FBXL12: variants seen among roughly 807,000 people sequenced by gnomAD.
FBXL12 encodes F-box/LRR-repeat protein 12.
A neutral mutation model predicts 24.9 loss-of-function variants in FBXL12; 22 were observed. That is an observed-to-expected ratio of 0.88 (90% CI 0.63 to 1.26). The LOEUF is 1.26. Among genes scored for constraint, FBXL12 ranks in the 50% most tolerant of loss-of-function variants. FBXL12 has a pLI of 0.00. For missense variants in FBXL12, 384 were observed against 434.1 expected, an observed-to-expected ratio of 0.88 and a Z score of 1.03; for synonymous variants, 193 against 193.8, an observed-to-expected ratio of 1.00 and a Z score of 0.03.
intron 2 of FBXL12, chr19:9,818,080 C>G (rs1023774569): frequency 2.7e-6 from 1 of 368,192 alleles, no homozygotes. Context: ...GGTGTAGTGG[C>G]GAGCGCCCGT....
chr19:9,817,688 A>C (rs2045912096), intron 2 of FBXL12, among the ~76,000 whole-genome samples: 1 of 152,040 alleles, frequency 6.6e-6, no homozygotes, highest in African/African-American at 2.4e-5. Context: ...AGAACTTCAA[A>C]AGCAACTGTA....
intron 2 of FBXL12, among the ~76,000 whole-genome samples, chr19:9,816,117 T>C (rs2045877736): frequency 1.3e-5 from 2 of 152,140 alleles, no homozygotes; most frequent in South Asian, 2.1e-4. Context: ...AGGGTGAACA[T>C]AGCACAGGGA....
intron 2 of FBXL12, chr19:9,818,273 G>A (rs1002852513): frequency 5.4e-6 from 3 of 552,506 alleles, no homozygotes; most frequent in Admixed American, 3.3e-5. Flanking sequence ...GTGCCAGACT[G>A]TTCTAAGCCC....
intron 2 of FBXL12, chr19:9,813,088 C>A: frequency 2.3e-6 from 1 of 428,216 alleles, no homozygotes; most frequent in Non-Finnish European, 3.8e-6. Context: ...AAAAATATAT[C>A]AAAGCCTGGT....
chr19:9,813,081 AATATATC>A, intron 2 of FBXL12: 1 of 431,388 alleles, frequency 2.3e-6, no homozygotes, highest in South Asian at 1.3e-4. Flanking sequence ...CAAAAAAAAA[AATATATC>A]AAAGCCTGGT....
In FBXL12 at chr19:9,811,639, G is replaced by A. The variant is rs778441243; in HGVS notation, c.238C>T (p.Leu80=). 1 of 1,528,086 alleles carries A rather than the reference G, an allele frequency of 6.5e-7. No homozygotes were observed. Among genetic ancestry groups the A allele is most frequent in the Non-Finnish European group, 8.8e-7 (1 of 1,137,468 alleles). The allele number at this position is 1,528,086 out of a possible 1,614,324, so 94.7% of individuals were successfully genotyped here. ...RLHSLRMGGY[L]FSGSQAPQLS... ...TGGGGGGCCTGGGAGCCAGAGAACA[G>A]GTAGCCACCCATCCGCAGGGAATGG... The change falls in exon 3 of 3, where the codon CTG becomes TTG. Residue 80 remains leucine (L), a synonymous_variant. Coordinates refer to ENST00000247977, the MANE Select transcript of FBXL12 (RefSeq NM_017703.3). The surrounding 1 kb of genome is among the most constrained non-coding windows in gnomAD (Gnocchi z 6.0).
intron 2 of FBXL12, among the ~76,000 whole-genome samples, chr19:9,815,717 C>T (rs1205538163): frequency 6.6e-5 from 10 of 151,272 alleles, no homozygotes; most frequent in South Asian, 2.1e-4. Context: ...TGCAATGGCA[C>T]GATCTTGAGT....
At chr19:9,816,941 C>A (rs1253260565) in intron 2 of FBXL12, among the ~76,000 whole-genome samples, 1 of 151,990 alleles carries the variant, frequency 6.6e-6, no homozygotes, top group Admixed American at 6.6e-5. Context: ...ATGTTGATGG[C>A]AAAAGAAAAT....
chr19:9,816,685 C>T (rs1171256365), intron 2 of FBXL12, among the ~76,000 whole-genome samples: 1 of 152,232 alleles, frequency 6.6e-6, no homozygotes, highest in African/African-American at 2.4e-5. Context: ...TTCCTGTCTT[C>T]TTTTGAGCCC....
intron 2 of FBXL12, chr19:9,813,364 G>T: frequency 1.2e-6 from 1 of 833,102 alleles, no homozygotes; most frequent in Non-Finnish European, 1.6e-6. Context: ...TTGAGACGGA[G>T]TTTTGCTTGT....
At chr19:9,816,178 A>AT (rs2045879202) in intron 2 of FBXL12, among the ~76,000 whole-genome samples, 1 of 152,116 alleles carries the variant, frequency 6.6e-6, no homozygotes, top group Non-Finnish European at 1.5e-5. Flanking sequence ...CAGGCCTGAG[A>AT]TGGGAGGGGC....
Position 9,818,746 on chromosome 19 carries a change from T to C in FBXL12, c.68A>G (p.Asp23Gly). ...LEIFSYLPVR[D>G]RIRISRVCHR... ...GCCGCACCTGGAGATGCGGATCCGGTCCCGTACCGGGAGGTAAGAGAAGAT... is the reference window on the plus strand; with the variant it reads ...GCCGCACCTGGAGATGCGGATCCGGCCCCGTACCGGGAGGTAAGAGAAGAT... The change falls in exon 1 of 3, where the codon GAC becomes GGC. Residue 23 changes from aspartate (D) to glycine (G), a missense_variant. Physicochemically the swap from Asp to Gly is moderately conservative, Grantham distance 94 (BLOSUM62 -1). Transcript: ENST00000247977. 2 of 1,550,108 alleles carry C rather than the reference T, an allele frequency of 1.3e-6. No homozygotes were observed. Among genetic ancestry groups the C allele is most frequent in the Middle Eastern group, 1.7e-4 (1 of 5,974 alleles).
Position 9,810,843 on chromosome 19 carries a change from G to A in FBXL12, c.*53C>T. The stretch of plus-strand genomic sequence containing the variant: ...CCCTCTTCAAGGTGCTGCTCAGAGG[G>A]TCTGGGGCTCAATGATGAAAACTGG... On this transcript the variant is annotated 3_prime_UTR_variant, in exon 3 of 3. Coordinates refer to ENST00000247977, the MANE Select transcript of FBXL12 (RefSeq NM_017703.3). 1 of 1,429,276 alleles carries A rather than the reference G, an allele frequency of 7.0e-7. No individual in the cohort carries two copies. The highest frequency in any genetic ancestry group is 1.3e-5 in the South Asian group (1 of 77,100). The allele number at this position is 1,429,276 out of a possible 1,614,324, so 88.5% of individuals were successfully genotyped here. A position where few individuals can be genotyped will look rare whatever the true frequency, so the allele number is the denominator to read the frequency against.
chr19:9,818,363 G>C, intron 2 of FBXL12, 182 bp downstream of exon 2: 1 of 641,758 alleles, frequency 1.6e-6, no homozygotes, highest in Non-Finnish European at 2.7e-6. Context: ...GCAGGGATGA[G>C]GAAATTGAGG....
In FBXL12 at chr19:9,818,867, G is replaced by A. The variant is rs1297181330; in HGVS notation, c.-54C>T. On this transcript the variant is annotated 5_prime_UTR_variant, in exon 1 of 3. Coordinates refer to ENST00000247977, the MANE Select transcript of FBXL12 (RefSeq NM_017703.3). ...GGTTAAAGAGACCCGAGGGGTCCTG[G>A]GGGCGCCGAGGCGGCTGACAGGGCG... The A allele has an allele frequency of 3.1e-5, 46 of 1,485,412 alleles. No individual in the cohort carries two copies. Among genetic ancestry groups the A allele is most frequent in the Non-Finnish European group, 4.1e-5 (45 of 1,102,728 alleles). 92.0% of individuals were successfully genotyped at this position (1,485,412 alleles called of 1,614,324 possible). A position where few individuals can be genotyped will look rare whatever the true frequency, so the allele number is the denominator to read the frequency against.
At chr19:9,818,308 T>C (rs1051824913) in intron 2 of FBXL12, 1 of 570,830 alleles carries the variant, frequency 1.8e-6, no homozygotes, top group Non-Finnish European at 3.1e-6. Flanking sequence ...CTCAGTGAAG[T>C]CCCATAATAG....
In FBXL12 at chr19:9,818,871, C is replaced by T. The variant is rs1056667247; in HGVS notation, c.-58G>A. ...AAAGAGACCCGAGGGGTCCTGGGGG[C>T]GCCGAGGCGGCTGACAGGGCGGCGG... is the stretch of plus-strand genomic sequence containing the variant. On this transcript the variant is annotated 5_prime_UTR_variant, in exon 1 of 3. Transcript: ENST00000247977. 4.7e-6 allele frequency: 7 copies of T among 1,475,598 alleles called. No homozygotes were observed. The African/African-American group carries it at 7.1e-5, about 15-fold the overall frequency. The allele number at this position is 1,475,598 out of a possible 1,614,324, so 91.4% of individuals were successfully genotyped here. A position where few individuals can be genotyped will look rare whatever the true frequency, so the allele number is the denominator to read the frequency against.
At chr19:9,818,158 C>G (rs2045922141) in intron 2 of FBXL12, 1 of 406,078 alleles carries the variant, frequency 2.5e-6, no homozygotes, top group Non-Finnish European at 4.3e-6. Context: ...GCTGCAATCG[C>G]ACCACTGCAC....
intron 2 of FBXL12, among the ~76,000 whole-genome samples, chr19:9,812,564 T>C (rs1044219602): frequency 1.1e-4 from 16 of 144,678 alleles, no homozygotes; most frequent in Non-Finnish European, 2.0e-4. Flanking sequence ...AAGATAAATC[T>C]GGTAGGGGAA....
Sources: allele counts gnomAD v4.1 joint callset (sites outside exome capture counted in the v4.1 genomes callset), GRCh38; gene constraint gnomAD v4.1.1; non-coding constraint Gnocchi (gnomAD v3.1); transcripts MANE v1.5; gene names NCBI Gene and HGNC (gene_info 2026-07-23, HGNC 2026-07-21).